Variants in INPP4B observed in about 807,000 individuals in gnomAD.
The protein encoded by INPP4B is inositol polyphosphate-4-phosphatase type II B, also known as inositol polyphosphate 4-phosphatase type II.
INPP4B carries 55 observed loss-of-function variants against 122.5 expected under a neutral mutation model. The ratio of observed to expected loss-of-function variants is 0.45; its 90% CI spans 0.36 to 0.56. The LOEUF is 0.56. Among genes scored for constraint, INPP4B ranks in the 20% least tolerant of loss-of-function variants. The pLI, the probability that INPP4B is intolerant of heterozygous loss-of-function variation, is 0.00. For synonymous variants in INPP4B, 403 were observed against 388.7 expected (o/e 1.04, Z -0.43); for missense variants, 1,000 against 1,097.7 (o/e 0.91, Z 1.26).
In INPP4B at chr4:142,820,175, T is replaced by C. The variant is rs546259161; in HGVS notation, c.-254+26034A>G. Reference sequence around the variant, plus strand: ...AAATGTGCTATAGTTTAGAGATTCGTCCCCACAAACCCCATGTTGAAGTCT... The same window carrying C: ...AAATGTGCTATAGTTTAGAGATTCGCCCCCACAAACCCCATGTTGAAGTCT... On this transcript the variant is annotated intron_variant, in intron 1 of 25. Coordinates refer to ENST00000262992, the MANE Select transcript of INPP4B (RefSeq NM_001101669.3). Among the ~76,000 whole-genome samples the C allele has an allele frequency of 7.2e-5, 11 of 152,242 alleles. 1 individual carries two copies. The highest frequency in any genetic ancestry group is 2.4e-4 in the African/African-American group (10 of 41,560).
chr4:142,544,833 CT>C (rs1241285534), intron 2 of INPP4B, among the ~76,000 whole-genome samples: 2 of 152,122 alleles, frequency 1.3e-5, no homozygotes, highest in Admixed American at 1.3e-4. Context: ...TGAATTGTTA[CT>C]GTATTTTGTG....
At chr4:142,171,835 C>T (rs574400422) in intron 16 of INPP4B, among the ~76,000 whole-genome samples, 2 of 151,752 alleles carry the variant, frequency 1.3e-5, no homozygotes, top group Non-Finnish European at 2.9e-5. Flanking sequence ...ATCCTAACCT[C>T]CTCCCACCAC....
At chr4:142,429,082 A>G (rs1808732361) in intron 5 of INPP4B, 91 bp downstream of exon 5, 2 of 647,864 alleles carry the variant, frequency 3.1e-6, no homozygotes, top group Non-Finnish European at 2.7e-6. Flanking sequence ...AATTTGTCAA[A>G]TATGTACTGA....
At chr4:142,167,498 C>A (rs984747154) in intron 16 of INPP4B, among the ~76,000 whole-genome samples, 2 of 151,688 alleles carry the variant, frequency 1.3e-5, no homozygotes, top group African/African-American at 4.8e-5. Flanking sequence ...CCCTGGCACA[C>A]ATTTACCTAT....
intron 2 of INPP4B, among the ~76,000 whole-genome samples, chr4:142,511,030 T>C (rs918111049): frequency 3.9e-5 from 6 of 152,182 alleles, no homozygotes; most frequent in South Asian, 2.1e-4. Flanking sequence ...GAAGGATGTT[T>C]CACCTCATTT....
At chr4:142,114,105 G>A (rs1423111504) in intron 21 of INPP4B, among the ~76,000 whole-genome samples, 1 of 151,958 alleles carries the variant, frequency 6.6e-6, no homozygotes, top group African/African-American at 2.4e-5. Context: ...CTAGCATAAT[G>A]TTTTTGAAGT....
chr4:142,583,503 T>C (rs1735547789), intron 2 of INPP4B: 1 of 152,152 alleles, frequency 6.6e-6, no homozygotes. Flanking sequence ...TTCCATCCCT[T>C]CCAACCATTT....
intron 16 of INPP4B, among the ~76,000 whole-genome samples, chr4:142,171,167 C>G (rs1825453775): frequency 6.6e-6 from 1 of 151,136 alleles, no homozygotes; most frequent in Middle Eastern, 3.2e-3. Context: ...TAGAATACCT[C>G]CTTCTTCACT....
intron 11 of INPP4B, among the ~76,000 whole-genome samples, chr4:142,240,771 C>G (rs781307906): frequency 1.2e-4 from 18 of 152,062 alleles, no homozygotes; most frequent in Non-Finnish European, 7.4e-5. Flanking sequence ...TCATAAAATA[C>G]AGTATAACAG....
intron 1 of INPP4B, among the ~76,000 whole-genome samples, chr4:142,798,845 T>TG (rs1281361338): frequency 1.5e-5 from 2 of 135,256 alleles, no homozygotes; most frequent in Non-Finnish European, 3.3e-5. Context: ...TGTGTATATG[T>TG]TTGTGTGTGT....
rs528233887 is a variant in INPP4B at position 142,215,476 on chromosome 4, T to C, written c.837-6450A>G. 8.5e-5 allele frequency among the ~76,000 whole-genome samples: 13 copies of C among 152,260 alleles called. No individual in the cohort carries two copies. The South Asian group carries it at 1.0e-3, about 12-fold the overall frequency. The stretch of plus-strand genomic sequence containing the variant: ...TAAATTATTATTTGGGATTTTTAAC[T>C]CCTGGATATTTTAGTTTGAATGGCA... On this transcript the variant is annotated intron_variant, in intron 12 of 25. Coordinates refer to ENST00000262992, the MANE Select transcript of INPP4B (RefSeq NM_001101669.3).
intron 7 of INPP4B, among the ~76,000 whole-genome samples, chr4:142,329,228 G>A (rs1401823634): frequency 3.3e-5 from 5 of 152,216 alleles, no homozygotes; most frequent in Non-Finnish European, 7.3e-5. Context: ...CTGTCCCTGA[G>A]GTGGGTTTCC....
At chr4:142,379,853 G>T (rs984713436) in intron 7 of INPP4B, among the ~76,000 whole-genome samples, 29 of 152,158 alleles carry the variant, frequency 1.9e-4, no homozygotes, top group African/African-American at 6.8e-4. Context: ...CAGATTGAGG[G>T]TTCATATGCA....
chr4:142,774,356 A>T (rs558797343), intron 1 of INPP4B, among the ~76,000 whole-genome samples: 1 of 152,262 alleles, frequency 6.6e-6, no homozygotes, highest in African/African-American at 2.4e-5. Context: ...TCTGAAGATC[A>T]TTAAAAGGTA....
chr4:142,833,209 T>TA (rs1461596610), intron 1 of INPP4B, among the ~76,000 whole-genome samples: 1 of 152,054 alleles, frequency 6.6e-6, no homozygotes, highest in Non-Finnish European at 1.5e-5. Flanking sequence ...AAGTTCAATT[T>TA]AAAAAAACTT....
intron 5 of INPP4B, among the ~76,000 whole-genome samples, chr4:142,407,692 C>T (rs1184566130): frequency 6.6e-6 from 1 of 151,926 alleles, no homozygotes; most frequent in Non-Finnish European, 1.5e-5. Context: ...TTTACTGTAC[C>T]CTAAGTCTTA....
chr4:142,629,782 T>C (rs1342318880), intron 2 of INPP4B, among the ~76,000 whole-genome samples: 5 of 152,084 alleles, frequency 3.3e-5, no homozygotes, highest in Admixed American at 1.3e-4. Flanking sequence ...CAGCATAATA[T>C]AGGGGTTATT....
At chr4:142,816,255 C>T (rs1267786634) in intron 1 of INPP4B, among the ~76,000 whole-genome samples, 1 of 152,112 alleles carries the variant, frequency 6.6e-6, no homozygotes, top group Non-Finnish European at 1.5e-5. Context: ...GAAGATATTT[C>T]TCAGAATAAA....
chr4:142,809,062 G>T (rs1398630173), intron 1 of INPP4B, among the ~76,000 whole-genome samples: 1 of 151,928 alleles, frequency 6.6e-6, no homozygotes, highest in Non-Finnish European at 1.5e-5. Flanking sequence ...ATCAGTAAAT[G>T]GATTAGATTT....
Sources: gnomAD v4.1 joint callset for allele counts (sites outside exome capture counted in the v4.1 genomes callset) on GRCh38, gnomAD v4.1.1 for gene constraint, MANE v1.5 for transcripts, NCBI Gene and HGNC (gene_info 2026-07-23, HGNC 2026-07-21) for gene names.